The following WWOX variants were observed in gnomAD, a reference collection of about 807,000 sequenced individuals.
The protein encoded by WWOX is WW domain containing oxidoreductase, also known as WW domain-containing oxidoreductase.
WWOX carries 69 observed loss-of-function variants against 46.2 expected under a neutral mutation model. That is an observed-to-expected ratio of 1.49 (90% CI 1.23 to 1.82). The LOEUF is 1.82. Ranked by LOEUF, WWOX falls within the 40% of genes most tolerant of loss-of-function variation. The probability of loss-of-function intolerance (pLI) is 0.00; values close to 1 mark genes in which losing one functional copy is unlikely to be tolerated. For missense variants in WWOX, 919 were observed against 542.6 expected (o/e 1.69, Z -6.89); for synonymous variants, 359 against 202.6 (o/e 1.77, Z -6.56).
chr16:78,775,596 C>A (rs765069913), intron 8 of WWOX, among the ~76,000 whole-genome samples: 9 of 152,138 alleles, frequency 5.9e-5, no homozygotes, highest in Non-Finnish European at 1.0e-4. Flanking sequence ...TTCACTCCCC[C>A]ACCTCTCCCC....
intron 8 of WWOX, among the ~76,000 whole-genome samples, chr16:78,976,612 C>T (rs149517621): frequency 1.6e-4 from 25 of 152,306 alleles, no homozygotes; most frequent in African/African-American, 6.0e-4. Flanking sequence ...CGTTTCCAAG[C>T]CTGAACATCC....
rs1478752971 is a variant in WWOX, at chr16:78,825,950, C to A, written c.1057-385658C>A. The A allele has an allele frequency of 7.5e-6, 6 of 798,794 alleles. No homozygotes were observed. The East Asian group carries it at 1.6e-4, about 21-fold the overall frequency. The allele number at this position is 798,794 out of a possible 1,614,324, so 49.5% of individuals were successfully genotyped here. On this transcript the variant is annotated intron_variant, in intron 8 of 8. Coordinates refer to ENST00000566780, the MANE Select transcript of WWOX (RefSeq NM_016373.4). ...AGTGCCCACCACTCCCATCTCAGAA[C>A]AGAAGGGTGGGAAGCCAGAGCCGCC...
intron 5 of WWOX, among the ~76,000 whole-genome samples, chr16:78,340,334 C>T (rs1283920839): frequency 8.5e-6 from 1 of 117,104 alleles, no homozygotes; most frequent in African/African-American, 2.9e-5. Context: ...GTCGCTGGGA[C>T]TACATGTGCG....
At chr16:78,748,748 C>T (rs767237335) in intron 8 of WWOX, among the ~76,000 whole-genome samples, 5 of 152,220 alleles carry the variant, frequency 3.3e-5, no homozygotes, top group Non-Finnish European at 7.3e-5. Context: ...TTCATGCACA[C>T]TCGGATTACA....
chr16:78,337,638 CT>C (rs1433649806), intron 5 of WWOX, among the ~76,000 whole-genome samples: 13 of 152,128 alleles, frequency 8.5e-5, no homozygotes, highest in African/African-American at 3.1e-4. Context: ...TAAAAGTCCC[CT>C]GAAAGTGTTA....
At position 79,029,992 on chromosome 16, in the gene WWOX, C is replaced by G. The variant is rs567853827; in HGVS notation, c.1057-181616C>G. ...ATCCTGGTGGTAGGTAAGCCAACCG[C>G]TATGAACTCTGATGAGCTCTGGTTT... On this transcript the variant is annotated intron_variant, in intron 8 of 8. Coordinates refer to ENST00000566780, the MANE Select transcript of WWOX (RefSeq NM_016373.4). Among the ~76,000 whole-genome samples the G allele has an allele frequency of 2.8e-4, 43 of 152,282 alleles. No individual in the cohort carries two copies. In the South Asian group the frequency reaches 8.9e-3, roughly 32 times the overall value.
At chr16:78,917,244 C>G (rs1223417620) in intron 8 of WWOX, among the ~76,000 whole-genome samples, 1 of 152,210 alleles carries the variant, frequency 6.6e-6, no homozygotes, top group Non-Finnish European at 1.5e-5. Context: ...CCTCCCAAAG[C>G]TCACGAACTG....
At chr16:78,279,144 G>A (rs192717119) in intron 5 of WWOX, among the ~76,000 whole-genome samples, 67 of 152,204 alleles carry the variant, frequency 4.4e-4, no homozygotes, top group Non-Finnish European at 7.4e-4. Context: ...GAAAAACCAT[G>A]GGGGATTGAA....
At chr16:79,199,103 C>G (rs944663421) in intron 8 of WWOX, among the ~76,000 whole-genome samples, 8 of 152,152 alleles carry the variant, frequency 5.3e-5, no homozygotes, top group African/African-American at 1.9e-4. Flanking sequence ...CATTCTGTCA[C>G]CCAAGCTGGA....
chr16:78,255,684 G>T (rs905481123), intron 5 of WWOX, among the ~76,000 whole-genome samples: 1 of 152,234 alleles, frequency 6.6e-6, no homozygotes. Flanking sequence ...CACCCAAGTA[G>T]AACACATCCC....
intron 5 of WWOX, among the ~76,000 whole-genome samples, chr16:78,220,095 G>T (rs1397457840): frequency 6.6e-6 from 1 of 151,886 alleles, no homozygotes; most frequent in East Asian, 1.9e-4. Flanking sequence ...CTGAATGATT[G>T]TGAATGATTG....
intron 6 of WWOX, among the ~76,000 whole-genome samples, chr16:78,400,074 G>A (rs72628241): frequency 0.037 from 5,636 of 152,142 alleles, 268 homozygotes; most frequent in African/African-American, 0.11. Flanking sequence ...TGCATACCTT[G>A]TCATTCAGAA....
intron 8 of WWOX, among the ~76,000 whole-genome samples, chr16:78,611,115 C>G (rs1452460628): frequency 6.6e-6 from 1 of 152,110 alleles, no homozygotes; most frequent in African/African-American, 2.4e-5. Flanking sequence ...AGCATAATGA[C>G]AAGTTGTTCA....
intron 8 of WWOX, among the ~76,000 whole-genome samples, chr16:78,881,843 C>G (rs576714968): frequency 1.3e-5 from 2 of 152,300 alleles, no homozygotes; most frequent in African/African-American, 2.4e-5. Flanking sequence ...AACTGACAGT[C>G]CAGGCACGGT....
intron 8 of WWOX, among the ~76,000 whole-genome samples, chr16:78,546,110 G>T (rs1465300037): frequency 6.6e-6 from 1 of 152,134 alleles, no homozygotes; most frequent in East Asian, 1.9e-4. Flanking sequence ...GTTTTTTATG[G>T]AAGAAGAAAG....
chr16:78,798,607 T>A (rs62996162), intron 8 of WWOX, among the ~76,000 whole-genome samples: 34 of 150,848 alleles, frequency 2.3e-4, no homozygotes, highest in African/African-American at 7.5e-4. Flanking sequence ...TTTTTTTTTT[T>A]AAGAGATTTA....
At chr16:78,367,972 G>A (rs978051220) in intron 5 of WWOX, among the ~76,000 whole-genome samples, 1 of 152,038 alleles carries the variant, frequency 6.6e-6, no homozygotes, top group Non-Finnish European at 1.5e-5. Context: ...GGTCAGGCTG[G>A]TGTCAAACTC....
intron 8 of WWOX, among the ~76,000 whole-genome samples, chr16:78,627,056 TACAC>T (rs1275241221): frequency 6.6e-6 from 1 of 152,114 alleles, no homozygotes; most frequent in Non-Finnish European, 1.5e-5. Context: ...ACCTCATACA[TACAC>T]AAAGGGCAGC....
At chr16:78,793,438 T>C (rs1489445929) in intron 8 of WWOX, among the ~76,000 whole-genome samples, 1 of 152,132 alleles carries the variant, frequency 6.6e-6, no homozygotes, top group Non-Finnish European at 1.5e-5. Context: ...AGAATACAAA[T>C]TGAACATTGA....
Sources: gnomAD v4.1 joint callset for allele counts (sites outside exome capture counted in the v4.1 genomes callset) on GRCh38, gnomAD v4.1.1 for gene constraint, MANE v1.5 for transcripts, NCBI Gene and HGNC (gene_info 2026-07-23, HGNC 2026-07-21) for gene names.